Variants in SMYD3 observed in about 807,000 individuals in gnomAD.
SMYD3 encodes histone-lysine N-methyltransferase SMYD3.
SMYD3 carries 36 observed loss-of-function variants against 57.7 expected under a neutral mutation model. The ratio of observed to expected loss-of-function variants is 0.62; its 90% CI spans 0.48 to 0.82. SMYD3 has a LOEUF of 0.82. SMYD3 is among the 40% of genes least tolerant of loss of function. The probability of loss-of-function intolerance (pLI) is 0.00; values close to 1 mark genes in which losing one functional copy is unlikely to be tolerated. For synonymous variants in SMYD3, 211 were observed against 195.0 expected, an observed-to-expected ratio of 1.08 and a Z score of -0.68; for missense variants, 515 against 538.8, an observed-to-expected ratio of 0.96 and a Z score of 0.44.
chr1:245,979,135 C>T (rs1296513893), intron 5 of SMYD3, among the ~76,000 whole-genome samples: 1 of 152,038 alleles, frequency 6.6e-6, no homozygotes, highest in African/African-American at 2.4e-5. Flanking sequence ...TCATTTAAAC[C>T]CTCTCTCTGT....
At chr1:246,000,122 A>G (rs1558571264) in intron 5 of SMYD3, among the ~76,000 whole-genome samples, 1 of 152,234 alleles carries the variant, frequency 6.6e-6, no homozygotes, top group Admixed American at 6.5e-5. Context: ...CAGAATAAAA[A>G]TTCGTGATGA....
chr1:245,900,557 G>A (rs2362255), intron 8 of SMYD3, among the ~76,000 whole-genome samples: 121,674 of 152,134 alleles, frequency 0.8, 49,535 homozygotes, highest in Middle Eastern at 0.89. Flanking sequence ...TCTATGAGTC[G>A]CTGCTGTCAT....
At chr1:245,893,318 T>C (rs4375225) in intron 8 of SMYD3, among the ~76,000 whole-genome samples, 1 of 152,054 alleles carries the variant, frequency 6.6e-6, no homozygotes, top group East Asian at 1.9e-4. Context: ...TCTTATAAAG[T>C]TAAACATATA....
Position 246,180,569 on chromosome 1 carries a change from A to G in SMYD3, c.531+146632T>C, listed in dbSNP as rs377306069. The stretch of plus-strand genomic sequence containing the variant: ...TCAGGAGATCAAGACCATCCTGGTT[A>G]ACATGGTGAAACTCCATCTCTACTA... On this transcript the variant is annotated intron_variant, in intron 5 of 11. Coordinates refer to ENST00000490107, the MANE Select transcript of SMYD3 (RefSeq NM_001167740.2). Among the ~76,000 whole-genome samples, 63 of 150,392 alleles carry G rather than the reference A, an allele frequency of 4.2e-4. 1 individual carries two copies. The South Asian group carries it at 9.2e-3, about 22-fold the overall frequency.
At chr1:245,829,877 T>G (rs941169605) in intron 10 of SMYD3, among the ~76,000 whole-genome samples, 4 of 152,046 alleles carry the variant, frequency 2.6e-5, no homozygotes, top group Non-Finnish European at 5.9e-5. Flanking sequence ...AAAAAGCAAA[T>G]ATTTTATAAT....
At chr1:246,489,659 G>A (rs1271592802) in intron 1 of SMYD3, among the ~76,000 whole-genome samples, 1 of 152,140 alleles carries the variant, frequency 6.6e-6, no homozygotes, top group Non-Finnish European at 1.5e-5. Context: ...TCAATATCTT[G>A]TGTCATTCAG....
intron 5 of SMYD3, among the ~76,000 whole-genome samples, chr1:246,201,823 G>A (rs907105608): frequency 6.6e-6 from 1 of 152,084 alleles, no homozygotes; most frequent in East Asian, 1.9e-4. Flanking sequence ...GACCAGCCTG[G>A]GCAACTTGGA....
chr1:246,378,005 T>G (rs1228893707), intron 1 of SMYD3, among the ~76,000 whole-genome samples: 1 of 152,196 alleles, frequency 6.6e-6, no homozygotes, highest in Non-Finnish European at 1.5e-5. Context: ...TGACAAATGG[T>G]CAGGGTTTGA....
chr1:246,320,618 T>C (rs1401659037), intron 5 of SMYD3, among the ~76,000 whole-genome samples: 1 of 152,200 alleles, frequency 6.6e-6, no homozygotes, highest in Non-Finnish European at 1.5e-5. Flanking sequence ...TTCTATTTTA[T>C]TGTTCAGATT....
At chr1:246,316,148 A>C (rs1490406813) in intron 5 of SMYD3, among the ~76,000 whole-genome samples, 1 of 152,232 alleles carries the variant, frequency 6.6e-6, no homozygotes, top group African/African-American at 2.4e-5. Flanking sequence ...TTTGAACCTG[A>C]GTTACATAAC....
chr1:246,171,828 T>C (rs6674394), intron 5 of SMYD3, among the ~76,000 whole-genome samples: 2,313 of 152,202 alleles, frequency 0.015, 57 homozygotes, highest in African/African-American at 0.054. Flanking sequence ...CTGGGCAACA[T>C]AGCAAGACCT....
At chr1:245,900,629 T>C (rs2054122940) in intron 8 of SMYD3, among the ~76,000 whole-genome samples, 1 of 152,228 alleles carries the variant, frequency 6.6e-6, no homozygotes. Flanking sequence ...TACGTTTAGT[T>C]GGGCTATCTG....
intron 10 of SMYD3, among the ~76,000 whole-genome samples, chr1:245,827,438 CT>C (rs1156887651): frequency 1.3e-5 from 2 of 152,220 alleles, no homozygotes; most frequent in African/African-American, 4.8e-5. Context: ...CTCCATTCCA[CT>C]TGCCTCCGGC....
intron 1 of SMYD3, among the ~76,000 whole-genome samples, chr1:246,489,824 T>G (rs1354938545): frequency 6.6e-6 from 1 of 152,084 alleles, no homozygotes; most frequent in Admixed American, 6.6e-5. Flanking sequence ...AAATTTGCAT[T>G]ATTTGAGCTT....
intron 5 of SMYD3, among the ~76,000 whole-genome samples, chr1:246,048,289 T>G (rs1377261554): frequency 1.3e-5 from 2 of 152,194 alleles, no homozygotes; most frequent in East Asian, 3.8e-4. Flanking sequence ...TTATAATCCA[T>G]TACAAACAAT....
intron 1 of SMYD3, among the ~76,000 whole-genome samples, chr1:246,366,124 A>G (rs1436326113): frequency 1.3e-5 from 2 of 152,234 alleles, no homozygotes; most frequent in Non-Finnish European, 1.5e-5. Flanking sequence ...CCTAGCAAAT[A>G]TCAATCCTTC....
chr1:246,123,899 ATCTGCTGC>A (rs1361918961), intron 5 of SMYD3, among the ~76,000 whole-genome samples: 1 of 152,184 alleles, frequency 6.6e-6, no homozygotes. Flanking sequence ...CTAGTCCTGC[ATCTGCTGC>A]CATCAGCCTT....
intron 5 of SMYD3, among the ~76,000 whole-genome samples, chr1:245,952,838 C>T (rs1295177979): frequency 6.6e-6 from 1 of 152,178 alleles, no homozygotes; most frequent in Non-Finnish European, 1.5e-5. Flanking sequence ...AGCCTGAACT[C>T]CCCACATACC....
At chr1:245,971,298 G>C (rs1377476052) in intron 5 of SMYD3, among the ~76,000 whole-genome samples, 1 of 152,188 alleles carries the variant, frequency 6.6e-6, no homozygotes, top group Non-Finnish European at 1.5e-5. Context: ...GGCCTGTCTG[G>C]AGGTGGGGCT....
Sources: gnomAD v4.1 joint callset for allele counts (sites outside exome capture counted in the v4.1 genomes callset) on GRCh38, gnomAD v4.1.1 for gene constraint, MANE v1.5 for transcripts, NCBI Gene and HGNC (gene_info 2026-07-23, HGNC 2026-07-21) for gene names.